CAMTA1: variants seen among roughly 807,000 people sequenced by gnomAD.
CAMTA1 encodes calmodulin binding transcription activator 1.
CAMTA1 carries 27 observed loss-of-function variants against 170.9 expected under a neutral mutation model. That is an observed-to-expected ratio of 0.16 (90% CI 0.12 to 0.22). CAMTA1 has a LOEUF of 0.22. Ranked by LOEUF, CAMTA1 falls within the 10% of genes least tolerant of loss-of-function variation. CAMTA1 has a pLI of 1.00. For synonymous variants in CAMTA1, 833 were observed against 891.5 expected (o/e 0.93, Z 1.17); for missense variants, 1,619 against 2,217.2 (o/e 0.73, Z 5.42).
chr1:7,332,303 C>T (rs558832556), intron 5 of CAMTA1, among the ~76,000 whole-genome samples: 5 of 152,272 alleles, frequency 3.3e-5, no homozygotes, highest in Admixed American at 2.6e-4. Context: ...ATCCAGGAGG[C>T]TGTGTTCTTT....
intron 3 of CAMTA1, among the ~76,000 whole-genome samples, chr1:6,955,631 G>C (rs1176514121): frequency 6.6e-6 from 1 of 152,174 alleles, no homozygotes; most frequent in Non-Finnish European, 1.5e-5. Context: ...AGTCAGATCA[G>C]GTTTCTCCTG....
At chr1:6,904,211 C>T (rs574487129) in intron 3 of CAMTA1, among the ~76,000 whole-genome samples, 2 of 152,312 alleles carry the variant, frequency 1.3e-5, no homozygotes, top group Admixed American at 1.3e-4. Flanking sequence ...ATTCACTGAA[C>T]ACGCTTAGTT....
At chr1:7,096,726 C>T (rs1292352611) in intron 4 of CAMTA1, among the ~76,000 whole-genome samples, 1 of 152,206 alleles carries the variant, frequency 6.6e-6, no homozygotes, top group Admixed American at 6.5e-5. Context: ...GTCCTCACTG[C>T]CACTGTTACG....
chr1:7,719,219 G>A (rs570169208), intron 11 of CAMTA1, among the ~76,000 whole-genome samples: 31 of 152,260 alleles, frequency 2.0e-4, no homozygotes, highest in Non-Finnish European at 3.7e-4. Flanking sequence ...TGGAGGTGCC[G>A]TCGGTGCCTG....
At chr1:6,807,817 C>T (rs752283741) in intron 1 of CAMTA1, among the ~76,000 whole-genome samples, 3 of 151,806 alleles carry the variant, frequency 2.0e-5, no homozygotes, top group Non-Finnish European at 4.4e-5. Flanking sequence ...AACATTTTTC[C>T]TAGACTTTGA....
intron 9 of CAMTA1, among the ~76,000 whole-genome samples, chr1:7,666,688 C>T (rs188079994): frequency 1.0e-3 from 152 of 152,308 alleles, no homozygotes; most frequent in African/African-American, 3.3e-3. Context: ...GCCCACTCGG[C>T]TGGAGAACAC....
intron 6 of CAMTA1, among the ~76,000 whole-genome samples, chr1:7,577,638 ACACT>A (rs1195761972): frequency 6.6e-6 from 1 of 151,796 alleles, no homozygotes. Context: ...GATGTTCTTC[ACACT>A]CACACCGTCC....
At chr1:7,307,788 T>TCCA (rs1675818607) in intron 5 of CAMTA1, among the ~76,000 whole-genome samples, 2 of 152,026 alleles carry the variant, frequency 1.3e-5, no homozygotes, top group African/African-American at 4.8e-5. Context: ...CATTTCTGTT[T>TCCA]CTGAGGGATA....
chr1:6,990,746 A>G (rs1696215398), intron 3 of CAMTA1, among the ~76,000 whole-genome samples: 1 of 150,672 alleles, frequency 6.6e-6, no homozygotes, highest in Non-Finnish European at 1.5e-5. Flanking sequence ...CTATTCTAGA[A>G]CTTTATGAAT....
rs191111961 is a variant in CAMTA1, at chr1:7,366,778, C to T, written c.439-101052C>T. On this transcript the variant is annotated intron_variant, in intron 5 of 22. Coordinates refer to ENST00000303635, the MANE Select transcript of CAMTA1 (RefSeq NM_015215.4). ...GCGTTGACAGGAGACTGCAGGAACC[C>T]GCCAGCTTGGTTGCTGGCTTCCTGA... Among the ~76,000 whole-genome samples the T allele has an allele frequency of 4.7e-4, 71 of 152,348 alleles. No individual in the cohort carries two copies. The East Asian group carries it at 9.5e-3, about 20-fold the overall frequency.
At chr1:7,611,449 G>T (rs1352696798) in intron 6 of CAMTA1, among the ~76,000 whole-genome samples, 1 of 152,218 alleles carries the variant, frequency 6.6e-6, no homozygotes, top group African/African-American at 2.4e-5. Context: ...CCAGGAGGAG[G>T]CCAGGTTAGA....
At chr1:7,345,676 A>G (rs2084170362) in intron 5 of CAMTA1, among the ~76,000 whole-genome samples, 1 of 152,010 alleles carries the variant, frequency 6.6e-6, no homozygotes, top group African/African-American at 2.4e-5. Flanking sequence ...GAGTGCTTAC[A>G]CCCCCATGCC....
chr1:7,281,875 C>T (rs1204737599), intron 5 of CAMTA1, among the ~76,000 whole-genome samples: 2 of 144,572 alleles, frequency 1.4e-5, no homozygotes, highest in Non-Finnish European at 3.0e-5. Context: ...CAAATTTCTA[C>T]TTTGTGGAAC....
chr1:6,841,367 C>A (rs1398877746), intron 3 of CAMTA1, among the ~76,000 whole-genome samples: 6 of 152,146 alleles, frequency 3.9e-5, no homozygotes, highest in Non-Finnish European at 8.8e-5. Context: ...TTTGGGGTTC[C>A]TGTTCTTCCT....
In CAMTA1 at chr1:7,623,194, T is replaced by C. The variant is rs114887721; in HGVS notation, c.511-17206T>C. On this transcript the variant is annotated intron_variant, in intron 6 of 22. Transcript: ENST00000303635. ...TTCCATGCTCTTTGAGGGCAGAGTC[T>C]TAGACTTGGTCACAGTAGACCCCAA... Among the ~76,000 whole-genome samples, 386 of 152,348 alleles carry C rather than the reference T, an allele frequency of 2.5e-3. 1 individual carries two copies. The highest frequency in any genetic ancestry group is 8.9e-3 in the African/African-American group (371 of 41,582).
intron 4 of CAMTA1, among the ~76,000 whole-genome samples, chr1:7,104,010 CTA>C (rs1248094031): frequency 2.7e-5 from 4 of 147,288 alleles, no homozygotes; most frequent in East Asian, 2.0e-4. Context: ...ACACAACACA[CTA>C]CACACATGTA....
chr1:7,066,557 C>G (rs7553335), intron 3 of CAMTA1, among the ~76,000 whole-genome samples: 102,596 of 152,176 alleles, frequency 0.67, 35,604 homozygotes, highest in African/African-American at 0.85. Context: ...TGCTTCCCCT[C>G]TTTCCCATGT....
rs1043633434 is a variant in CAMTA1 at position 7,082,102 on chromosome 1, C to T, written c.235-9202C>T. On this transcript the variant is annotated intron_variant, in intron 3 of 22. Transcript: ENST00000303635. ...GGCTGTAATCATGGTCTCCAATCAG[C>T]GGCCTCTTCTCTACCAGGCCACCAC... 2.0e-5 allele frequency among the ~76,000 whole-genome samples: 3 copies of T among 152,126 alleles called. No individual in the cohort carries two copies. In the East Asian group the frequency reaches 5.8e-4, roughly 29 times the overall value.
At chr1:7,154,269 C>T (rs1646740861) in intron 4 of CAMTA1, among the ~76,000 whole-genome samples, 1 of 152,108 alleles carries the variant, frequency 6.6e-6, no homozygotes, top group South Asian at 2.1e-4. Context: ...ACCCGAGACT[C>T]CCGTCTGTAG....
Sources: gnomAD v4.1 joint callset for allele counts (sites outside exome capture counted in the v4.1 genomes callset) on GRCh38, gnomAD v4.1.1 for gene constraint, MANE v1.5 for transcripts, NCBI Gene and HGNC (gene_info 2026-07-23, HGNC 2026-07-21) for gene names.